RELN: variants seen among roughly 807,000 people sequenced by gnomAD.
RELN encodes reelin.
A neutral mutation model predicts 427.6 loss-of-function variants in RELN; 108 were observed. The observed-to-expected ratio is 0.25, with a 90% CI of 0.22 to 0.30. RELN has a LOEUF of 0.30. RELN is among the 10% of genes least tolerant of loss of function. The pLI is 1.00. For synonymous variants in RELN, 1,524 were observed against 1,513.4 expected, an observed-to-expected ratio of 1.01 and a Z score of -0.16; for missense variants, 3,715 against 4,302.8, an observed-to-expected ratio of 0.86 and a Z score of 3.82.
At chr7:103,781,950 G>C (rs1791901855) in intron 3 of RELN, among the ~76,000 whole-genome samples, 1 of 151,930 alleles carries the variant, frequency 6.6e-6, no homozygotes, top group Non-Finnish European at 1.5e-5. Flanking sequence ...TTTTTCTTAA[G>C]AGTTCAGGAA....
At chr7:103,771,316 T>G (rs1399494047) in intron 4 of RELN, among the ~76,000 whole-genome samples, 1 of 152,012 alleles carries the variant, frequency 6.6e-6, no homozygotes, top group Non-Finnish European at 1.5e-5. Flanking sequence ...ATGTTCAGAT[T>G]TCTTCCCTCA....
At chr7:103,981,560 C>A (rs1178125318) in intron 1 of RELN, among the ~76,000 whole-genome samples, 1 of 152,206 alleles carries the variant, frequency 6.6e-6, no homozygotes, top group African/African-American at 2.4e-5. Flanking sequence ...TTAACTGGGA[C>A]ATCTGTGTGT....
At chr7:103,778,313 G>C (rs534103803) in intron 3 of RELN, among the ~76,000 whole-genome samples, 1 of 152,256 alleles carries the variant, frequency 6.6e-6, no homozygotes, top group East Asian at 1.9e-4. Context: ...TAGCAACACA[G>C]TGATCACCAA....
chr7:103,894,252 A>T (rs1794912357), intron 2 of RELN, among the ~76,000 whole-genome samples: 1 of 152,150 alleles, frequency 6.6e-6, no homozygotes, highest in Admixed American at 6.6e-5. Context: ...AACTTTTCCA[A>T]GTTCTACAAG....
intron 1 of RELN, among the ~76,000 whole-genome samples, chr7:103,961,542 G>A (rs1020989035): frequency 6.6e-6 from 1 of 152,186 alleles, no homozygotes; most frequent in Non-Finnish European, 1.5e-5. Context: ...ATTCTTACAA[G>A]CTCAAGAGCA....
intron 20 of RELN, chr7:103,628,271 A>G (rs1450138798): frequency 1.3e-5 from 2 of 152,154 alleles, no homozygotes; most frequent in Non-Finnish European, 2.9e-5. Flanking sequence ...CAAGCATCTG[A>G]GGCTATCAAA....
chr7:103,628,282 T>C (rs527900543), intron 20 of RELN: 10 of 152,222 alleles, frequency 6.6e-5, no homozygotes, highest in African/African-American at 2.2e-4. Flanking sequence ...GGCTATCAAA[T>C]AGAAAATGTG....
intron 4 of RELN, among the ~76,000 whole-genome samples, chr7:103,762,069 G>A (rs181457934): frequency 2.0e-4 from 30 of 152,118 alleles, no homozygotes; most frequent in South Asian, 8.3e-4. Flanking sequence ...ATTTCTCAGC[G>A]CCCCCCTATA....
At chr7:103,746,855 G>A (rs374268320) in intron 6 of RELN, among the ~76,000 whole-genome samples, 1 of 151,838 alleles carries the variant, frequency 6.6e-6, no homozygotes, top group Non-Finnish European at 1.5e-5. Flanking sequence ...AGTCAGTGTG[G>A]CGATTCCTCA....
intron 8 of RELN, among the ~76,000 whole-genome samples, chr7:103,718,360 C>T (rs79946018): frequency 3.4e-5 from 5 of 147,580 alleles, no homozygotes; most frequent in Non-Finnish European, 7.5e-5. Flanking sequence ...ATTAAACACA[C>T]GTACAAAAAT....
Position 103,682,058 on chromosome 7 carries a change from G to A in RELN, c.1289+58C>T, listed in dbSNP as rs1020859435. ...ATTTAACAATATGCATTTAAAACAC[G>A]TCCAGTAGAATAAATGTAAGTGCTA... On this transcript the variant is annotated intron_variant, in intron 11 of 64. Coordinates refer to ENST00000428762, the MANE Select transcript of RELN (RefSeq NM_005045.4). The A allele has an allele frequency of 5.1e-5, 77 of 1,509,090 alleles. 1 individual carries two copies. In the Middle Eastern group the frequency reaches 1.2e-3, roughly 24 times the overall value. The allele number at this position is 1,509,090 out of a possible 1,614,324, so 93.5% of individuals were successfully genotyped here. A position where few individuals can be genotyped will look rare whatever the true frequency, so the allele number is the denominator to read the frequency against.
chr7:103,978,193 T>G (rs1246859632), intron 1 of RELN, among the ~76,000 whole-genome samples: 2 of 152,166 alleles, frequency 1.3e-5, no homozygotes, highest in Non-Finnish European at 2.9e-5. Flanking sequence ...CTAACCGAAA[T>G]TTTCTATCTT....
In RELN at chr7:103,953,400, GA is replaced by G. The variant is rs1414694255; in HGVS notation, c.226+35730del. Among the ~76,000 whole-genome samples, 2 of 152,154 alleles carry G rather than the reference GA, an allele frequency of 1.3e-5. No homozygotes were observed. Among genetic ancestry groups the G allele is most frequent in the East Asian group, 3.8e-4 (2 of 5,202 alleles). ...AGACTCAAGACAACTCAGATAACGTGATTCAATCACTTGTAACATTCAGTTT... is the reference window on the plus strand; with the variant it reads ...AGACTCAAGACAACTCAGATAACGTGTTCAATCACTTGTAACATTCAGTTT... On this transcript the variant is annotated intron_variant, in intron 1 of 64. Transcript: ENST00000428762. The surrounding 1 kb of genome is among the most constrained non-coding windows in gnomAD (Gnocchi z 4.3).
intron 28 of RELN, among the ~76,000 whole-genome samples, chr7:103,582,811 A>T (rs1990425): frequency 0.75 from 114,888 of 152,184 alleles, 43,871 homozygotes; most frequent in African/African-American, 0.87. Flanking sequence ...TTTTACCATA[A>T]AAGTCAGAAT....
At chr7:103,948,870 C>G (rs1421723614) in intron 1 of RELN, among the ~76,000 whole-genome samples, 1 of 151,504 alleles carries the variant, frequency 6.6e-6, no homozygotes, top group Non-Finnish European at 1.5e-5. Flanking sequence ...AAAAAATTAG[C>G]CAGGCGTGGT....
At chr7:103,750,267 T>C (rs621311) in intron 5 of RELN, among the ~76,000 whole-genome samples, 81,709 of 152,058 alleles carry the variant, frequency 0.54, 22,187 homozygotes, top group African/African-American at 0.58. Context: ...CGTGAGCCAC[T>C]GTGCCCAGCT....
At chr7:103,577,575 A>G (rs1831032843) in intron 28 of RELN, among the ~76,000 whole-genome samples, 1 of 146,964 alleles carries the variant, frequency 6.8e-6, no homozygotes, top group South Asian at 2.2e-4. Flanking sequence ...AAAAAAAAAA[A>G]GTACAATTGT....
rs191126489 is a variant in RELN at position 103,631,448 on chromosome 7, C to T, written c.2466-1272G>A. On this transcript the variant is annotated intron_variant, in intron 19 of 64. Coordinates refer to ENST00000428762, the MANE Select transcript of RELN (RefSeq NM_005045.4). Reference sequence around the variant, plus strand: ...AGCTGGGACTACAGGCACATGCCACCACACCCAGCTAATGTTTGTATTTTT... The same window carrying T: ...AGCTGGGACTACAGGCACATGCCACTACACCCAGCTAATGTTTGTATTTTT... Among the ~76,000 whole-genome samples, 363 of 152,062 alleles carry T rather than the reference C, an allele frequency of 2.4e-3. 1 individual carries two copies. The highest frequency in any genetic ancestry group is 6.8e-3 in the Middle Eastern group (2 of 294).
chr7:103,746,860 T>C (rs1470659990), intron 6 of RELN, among the ~76,000 whole-genome samples: 1 of 151,890 alleles, frequency 6.6e-6, no homozygotes, highest in Non-Finnish European at 1.5e-5. Context: ...GTGTGGCGAT[T>C]CCTCAGGGAT....
Sources: allele counts gnomAD v4.1 joint callset (sites outside exome capture counted in the v4.1 genomes callset), GRCh38; gene constraint gnomAD v4.1.1; non-coding constraint Gnocchi (gnomAD v3.1); transcripts MANE v1.5; gene names NCBI Gene and HGNC (gene_info 2026-07-23, HGNC 2026-07-21).